NTF3: variants seen among roughly 807,000 people sequenced by gnomAD.
NTF3 encodes the protein neurotrophin 3.
A neutral mutation model predicts 26.3 loss-of-function variants in NTF3; 8 were observed. That is an observed-to-expected ratio of 0.30 (90% CI 0.18 to 0.55). The LOEUF (loss-of-function observed/expected upper bound fraction) is 0.55, where lower values mean the gene tolerates loss of function less well. NTF3 is among the 20% of genes least tolerant of loss of function. The probability of loss-of-function intolerance (pLI) is 0.93; values close to 1 mark genes in which losing one functional copy is unlikely to be tolerated. For synonymous variants in NTF3, 154 were observed against 145.5 expected, an observed-to-expected ratio of 1.06 and a Z score of -0.42; for missense variants, 276 against 352.9, an observed-to-expected ratio of 0.78 and a Z score of 1.75.
At chr12:5,441,844 C>T (rs185434166) in intron 1 of NTF3, among the ~76,000 whole-genome samples, 129 of 152,314 alleles carry the variant, frequency 8.5e-4, no homozygotes, top group African/African-American at 2.9e-3. Context: ...ATGCTCAGCG[C>T]TTGGTGGCCA....
intron 1 of NTF3, among the ~76,000 whole-genome samples, chr12:5,464,384 T>C (rs535255735): frequency 3.9e-5 from 6 of 152,346 alleles, no homozygotes; most frequent in Non-Finnish European, 7.4e-5. Flanking sequence ...GGTTGGACTT[T>C]CAATTTTTCA....
intron 1 of NTF3, among the ~76,000 whole-genome samples, chr12:5,472,251 A>G (rs1367889402): frequency 6.6e-6 from 1 of 152,126 alleles, no homozygotes; most frequent in Non-Finnish European, 1.5e-5. Flanking sequence ...ACGGGAAGGG[A>G]AAGTATAAGC....
Position 5,432,358 on chromosome 12 carries a change from G to A in NTF3, c.18+16G>A, listed in dbSNP as rs747117981. ...TTTTGCCACGGTAAGGGGAGGCGGC[G>A]GGCACCTTGGGTGGGCAGGTTTGGG... On this transcript the variant is annotated intron_variant, in intron 1 of 1. Coordinates refer to ENST00000423158, the MANE Select transcript of NTF3 (RefSeq NM_001102654.2). 3 of 1,612,104 alleles carry A rather than the reference G, an allele frequency of 1.9e-6. No homozygotes were observed. The highest frequency in any genetic ancestry group is 2.2e-5 in the East Asian group (1 of 44,820).
In NTF3 at chr12:5,449,574, G is replaced by A. The variant is rs538727409; in HGVS notation, c.18+17232G>A. ...GCCCTAGCAAAGAAACGACTTACCC[G>A]GAGTATGGACAGGGCTTCAGAGAAA... On this transcript the variant is annotated intron_variant, in intron 1 of 1. Coordinates refer to ENST00000423158, the MANE Select transcript of NTF3 (RefSeq NM_001102654.2). Among the ~76,000 whole-genome samples the A allele has an allele frequency of 1.0e-3, 158 of 152,234 alleles. 1 individual carries two copies. The highest frequency in any genetic ancestry group is 3.1e-3 in the African/African-American group (128 of 41,538).
intron 1 of NTF3, among the ~76,000 whole-genome samples, chr12:5,455,226 AG>A (rs967454465): frequency 2.0e-5 from 3 of 152,164 alleles, no homozygotes; most frequent in African/African-American, 7.2e-5. Context: ...CTCCCCTCCC[AG>A]CTCCTGTCTC....
intron 1 of NTF3, among the ~76,000 whole-genome samples, chr12:5,450,943 A>G (rs1940364746): frequency 6.6e-6 from 1 of 152,202 alleles, no homozygotes; most frequent in Non-Finnish European, 1.5e-5. Context: ...ATGACTGAGT[A>G]ACTCATCCAA....
intron 1 of NTF3, among the ~76,000 whole-genome samples, chr12:5,489,683 G>A (rs1423399818): frequency 1.3e-5 from 2 of 152,152 alleles, no homozygotes; most frequent in Non-Finnish European, 2.9e-5. Flanking sequence ...CGGTCAGGAG[G>A]TGCTCCTGTG....
rs1457963569 is a variant in NTF3, at chr12:5,466,725, T to A, written c.19-27469T>A. ...CTGAGTAGAATTTCCTGTTCAAACTTGAAAATGAAAATTCCTCCACTTCAA... is the reference window on the plus strand; with the variant it reads ...CTGAGTAGAATTTCCTGTTCAAACTAGAAAATGAAAATTCCTCCACTTCAA... On this transcript the variant is annotated intron_variant, in intron 1 of 1. Transcript: ENST00000423158. 3.9e-5 allele frequency among the ~76,000 whole-genome samples: 6 copies of A among 152,200 alleles called. 1 individual carries two copies.
intron 1 of NTF3, among the ~76,000 whole-genome samples, chr12:5,480,126 G>A (rs566633324): frequency 6.6e-6 from 1 of 152,150 alleles, no homozygotes; most frequent in Admixed American, 6.5e-5. Flanking sequence ...TTCCTCTTTC[G>A]GGAAACCCAC....
intron 1 of NTF3, among the ~76,000 whole-genome samples, chr12:5,449,536 T>C (rs772304247): frequency 7.9e-5 from 12 of 152,214 alleles, no homozygotes; most frequent in Non-Finnish European, 1.0e-4. Flanking sequence ...TTTGCTATTT[T>C]GCTGCCATCC....
rs1165093906 is a variant in NTF3, at chr12:5,471,270, C to T, written c.19-22924C>T. On this transcript the variant is annotated intron_variant, in intron 1 of 1. Transcript: ENST00000423158. ...AGACCTGGATTCATATTTCTCCTAG[C>T]GTCAACTAGTGGGTGACCTTAGAAA... 5.3e-5 allele frequency among the ~76,000 whole-genome samples: 8 copies of T among 152,248 alleles called. No individual in the cohort carries two copies. In the East Asian group the frequency reaches 1.2e-3, roughly 22 times the overall value.
chr12:5,451,943 T>C (rs1286928871), intron 1 of NTF3, among the ~76,000 whole-genome samples: 1 of 152,186 alleles, frequency 6.6e-6, no homozygotes, highest in African/African-American at 2.4e-5. Flanking sequence ...TCCTATCACC[T>C]TGGCCTCCCA....
At chr12:5,474,470 T>C (rs529276411) in intron 1 of NTF3, among the ~76,000 whole-genome samples, 34 of 152,164 alleles carry the variant, frequency 2.2e-4, no homozygotes, top group Admixed American at 2.0e-3. Flanking sequence ...ACATGGTGTG[T>C]TTGGAAAACC....
intron 1 of NTF3, among the ~76,000 whole-genome samples, chr12:5,493,863 G>A (rs549408963): frequency 6.6e-6 from 1 of 152,296 alleles, no homozygotes; most frequent in African/African-American, 2.4e-5. Context: ...AGTGAACCAT[G>A]CGTCTTTGCA....
At chr12:5,460,117 A>C (rs1194949302) in intron 1 of NTF3, among the ~76,000 whole-genome samples, 1 of 152,164 alleles carries the variant, frequency 6.6e-6, no homozygotes, top group Non-Finnish European at 1.5e-5. Flanking sequence ...CTCACTCCCC[A>C]GTTTTCTCCA....
At chr12:5,476,759 AT>A (rs1478865158) in intron 1 of NTF3, among the ~76,000 whole-genome samples, 2 of 152,260 alleles carry the variant, frequency 1.3e-5, no homozygotes, top group Non-Finnish European at 2.9e-5. Flanking sequence ...ACGTGATAGA[AT>A]ATTATGTGGC....
In NTF3 at chr12:5,475,479, A is replaced by G. The variant is rs112438372; in HGVS notation, c.19-18715A>G. Among the ~76,000 whole-genome samples, 126 of 152,256 alleles carry G rather than the reference A, an allele frequency of 8.3e-4. 1 individual carries two copies. The highest frequency in any genetic ancestry group is 2.6e-3 in the African/African-American group (106 of 41,550). ...ACAACTATTTTATTTCATTTCTCTA[A>G]TACTGGCAACATCTGAACATTATCT... is the stretch of plus-strand genomic sequence containing the variant. On this transcript the variant is annotated intron_variant, in intron 1 of 1. Transcript: ENST00000423158.
intron 1 of NTF3, among the ~76,000 whole-genome samples, chr12:5,465,431 T>A (rs1055414306): frequency 2.0e-5 from 3 of 152,234 alleles, no homozygotes; most frequent in African/African-American, 7.2e-5. Flanking sequence ...AGCATTCACG[T>A]GTAGCAGAGA....
At chr12:5,469,918 T>G (rs778202858) in intron 1 of NTF3, among the ~76,000 whole-genome samples, 4 of 152,060 alleles carry the variant, frequency 2.6e-5, no homozygotes, top group Admixed American at 6.6e-5. Context: ...TTGTTTGTAT[T>G]TTGTTTTGTT....
Sources: gnomAD v4.1 joint callset for allele counts (sites outside exome capture counted in the v4.1 genomes callset) on GRCh38, gnomAD v4.1.1 for gene constraint, MANE v1.5 for transcripts, NCBI Gene and HGNC (gene_info 2026-07-23, HGNC 2026-07-21) for gene names.